MACROD2: variants seen among roughly 807,000 people sequenced by gnomAD.
The protein encoded by MACROD2 is ADP-ribose glycohydrolase MACROD2.
MACROD2 carries 36 observed loss-of-function variants against 70.4 expected under a neutral mutation model. The ratio of observed to expected loss-of-function variants is 0.51; its 90% CI spans 0.39 to 0.68. MACROD2 has a LOEUF of 0.68. Among genes scored for constraint, MACROD2 ranks in the 30% least tolerant of loss-of-function variants. MACROD2 has a pLI of 0.00. For synonymous variants in MACROD2, 172 were observed against 178.8 expected (o/e 0.96, Z 0.30); for missense variants, 496 against 538.4 (o/e 0.92, Z 0.78).
chr20:14,497,355 C>A (rs2084865632), intron 4 of MACROD2, among the ~76,000 whole-genome samples: 1 of 151,670 alleles, frequency 6.6e-6, no homozygotes, highest in South Asian at 2.1e-4. Context: ...TGTACATGCA[C>A]AAGGTCCTGT....
chr20:14,478,589 A>G (rs929281224), intron 3 of MACROD2, among the ~76,000 whole-genome samples: 2 of 152,134 alleles, frequency 1.3e-5, no homozygotes, highest in Admixed American at 6.5e-5. Context: ...TCTCTTTCAC[A>G]AAATTTGTGA....
intron 15 of MACROD2, among the ~76,000 whole-genome samples, chr20:16,038,593 T>C (rs1040765796): frequency 7.2e-5 from 11 of 151,750 alleles, no homozygotes; most frequent in African/African-American, 2.2e-4. Flanking sequence ...AGCTCTCTGA[T>C]AAACTACTTT....
At chr20:15,516,202 A>G (rs1048001240) in intron 8 of MACROD2, among the ~76,000 whole-genome samples, 10 of 152,118 alleles carry the variant, frequency 6.6e-5, no homozygotes, top group African/African-American at 2.2e-4. Flanking sequence ...ACTGTCAAAG[A>G]TGTCAATGTT....
chr20:15,970,810 G>A (rs1440205668), intron 13 of MACROD2, among the ~76,000 whole-genome samples: 2 of 152,140 alleles, frequency 1.3e-5, no homozygotes, highest in African/African-American at 4.8e-5. Context: ...GCTAGAAGAA[G>A]TGCCTGTTCC....
intron 4 of MACROD2, among the ~76,000 whole-genome samples, chr20:14,532,445 G>A (rs1196174465): frequency 4.0e-5 from 6 of 150,626 alleles, no homozygotes; most frequent in Non-Finnish European, 8.9e-5. Flanking sequence ...GGATGGTCTC[G>A]AACTCCTGAC....
At chr20:15,847,897 G>GA (rs11483170) in intron 8 of MACROD2, among the ~76,000 whole-genome samples, 76,547 of 151,748 alleles carry the variant, frequency 0.5, 21,271 homozygotes, top group Middle Eastern at 0.63. Flanking sequence ...GCTTAAAAGG[G>GA]AAAAAAAGAC....
At position 15,916,476 on chromosome 20, in the gene MACROD2, AC is replaced by A. The variant is rs564237348; in HGVS notation, c.776-16797del. 3.9e-5 allele frequency among the ~76,000 whole-genome samples: 6 copies of A among 152,264 alleles called. No homozygotes were observed. In the South Asian group the frequency reaches 1.2e-3, roughly 32 times the overall value. ...TACACGCAAGAGGAGGAGACTTAAAACCCATCTCTTGAAGGGAGGAATCTCT... is the reference window on the plus strand; with the variant it reads ...TACACGCAAGAGGAGGAGACTTAAAACCATCTCTTGAAGGGAGGAATCTCT... On this transcript the variant is annotated intron_variant, in intron 10 of 17. Transcript: ENST00000684519.
chr20:14,776,308 C>T (rs1055080514), intron 5 of MACROD2, among the ~76,000 whole-genome samples: 1 of 151,996 alleles, frequency 6.6e-6, no homozygotes, highest in Non-Finnish European at 1.5e-5. Flanking sequence ...GGTCTCCTAA[C>T]AACTTGACAT....
At chr20:15,777,175 T>C (rs1022232110) in intron 8 of MACROD2, among the ~76,000 whole-genome samples, 5 of 152,160 alleles carry the variant, frequency 3.3e-5, no homozygotes, top group Non-Finnish European at 2.9e-5. Context: ...TTCCTGTTAC[T>C]ACAGCATAAA....
At chr20:16,034,105 A>G (rs931633416) in intron 15 of MACROD2, among the ~76,000 whole-genome samples, 1 of 152,084 alleles carries the variant, frequency 6.6e-6, no homozygotes, top group Non-Finnish European at 1.5e-5. Flanking sequence ...AAACCTGGAC[A>G]TTACTACAGC....
In MACROD2 at chr20:15,975,465, C is replaced by CA. The variant is rs879338411; in HGVS notation, c.985+7844dup. Among the ~76,000 whole-genome samples, 391 of 149,338 alleles carry CA rather than the reference C, an allele frequency of 2.6e-3. 1 individual carries two copies. Among genetic ancestry groups the CA allele is most frequent in the Non-Finnish European group, 4.7e-3 (316 of 67,198 alleles). On this transcript the variant is annotated intron_variant, in intron 13 of 17. Coordinates refer to ENST00000684519, the MANE Select transcript of MACROD2 (RefSeq NM_001351661.2). ...TTCATTGCAATATGATGTTTAATGG[C>CA]AAAAAAAAAGTGTAAACACCTGAAA...
intron 5 of MACROD2, among the ~76,000 whole-genome samples, chr20:15,020,674 G>A (rs954225292): frequency 1.3e-5 from 2 of 152,000 alleles, no homozygotes; most frequent in African/African-American, 4.8e-5. Context: ...TACTGGTATA[G>A]TCTATTGCTC....
chr20:15,212,644 T>C (rs1284394396), intron 5 of MACROD2, among the ~76,000 whole-genome samples: 1 of 152,150 alleles, frequency 6.6e-6, no homozygotes, highest in Non-Finnish European at 1.5e-5. Flanking sequence ...GTGGGTGCAG[T>C]TGGTGTGAGT....
intron 7 of MACROD2, among the ~76,000 whole-genome samples, chr20:15,439,987 G>A (rs781531682): frequency 2.6e-5 from 4 of 152,046 alleles, no homozygotes; most frequent in South Asian, 2.1e-4. Flanking sequence ...GATCTCAGGC[G>A]TGCTTTCTGC....
rs62207608 is a variant in MACROD2, at chr20:14,348,295, G to T, written c.272-145184G>T. On this transcript the variant is annotated intron_variant, in intron 3 of 17. Transcript: ENST00000684519. Reference sequence around the variant, plus strand: ...AAAAAAAAAAAATAAATAAAATAAAGAAAGAAAGAAAGAAAAGAAAAGATG... The same window carrying T: ...AAAAAAAAAAAATAAATAAAATAAATAAAGAAAGAAAGAAAAGAAAAGATG... Among the ~76,000 whole-genome samples, 136 of 135,010 alleles carry T rather than the reference G, an allele frequency of 1.0e-3. 1 individual carries two copies. The highest frequency in any genetic ancestry group is 3.9e-3 in the African/African-American group (114 of 29,258). The allele number at this position is 135,010 out of a possible 152,430, so 88.6% of individuals were successfully genotyped here.
At chr20:14,329,089 C>T (rs1452893479) in intron 3 of MACROD2, 1 of 151,928 alleles carries the variant, frequency 6.6e-6, no homozygotes, top group Non-Finnish European at 1.5e-5. Flanking sequence ...CAGGATTATC[C>T]AAGTATAAAC....
At chr20:15,389,735 G>T (rs2045767091) in intron 6 of MACROD2, among the ~76,000 whole-genome samples, 1 of 152,112 alleles carries the variant, frequency 6.6e-6, no homozygotes, top group Non-Finnish European at 1.5e-5. Context: ...TGATGATAAG[G>T]TATTAAGAAT....
At chr20:14,998,250 A>G (rs2074966487) in intron 5 of MACROD2, among the ~76,000 whole-genome samples, 1 of 152,194 alleles carries the variant, frequency 6.6e-6, no homozygotes, top group African/African-American at 2.4e-5. Context: ...CCAGGAAAAC[A>G]TAACCTCACC....
intron 8 of MACROD2, among the ~76,000 whole-genome samples, chr20:15,746,562 TAAAAAA>T (rs536288457): frequency 2.8e-5 from 3 of 107,086 alleles, no homozygotes; most frequent in East Asian, 5.1e-4. Flanking sequence ...TGGTTTCCAG[TAAAAAA>T]AAAAAAAAAA....
Sources: gnomAD v4.1 joint callset for allele counts (sites outside exome capture counted in the v4.1 genomes callset) on GRCh38, gnomAD v4.1.1 for gene constraint, MANE v1.5 for transcripts, NCBI Gene and HGNC (gene_info 2026-07-23, HGNC 2026-07-21) for gene names.